Variants in ME3 observed in about 807,000 individuals in gnomAD.
ME3 encodes NADP-dependent malic enzyme, mitochondrial.
Under a neutral mutation model 68.9 loss-of-function variants are expected in ME3, and 48 were observed. The ratio of observed to expected loss-of-function variants is 0.70; its 90% CI spans 0.55 to 0.89. The LOEUF (loss-of-function observed/expected upper bound fraction) is 0.89. Ranked by LOEUF, ME3 falls within the 40% of genes least tolerant of loss-of-function variation. ME3 has a pLI of 0.00. For missense variants in ME3, 675 were observed against 797.4 expected (o/e 0.85, Z 1.85); for synonymous variants, 320 against 318.8 (o/e 1.00, Z -0.04).
intron 4 of ME3, among the ~76,000 whole-genome samples, chr11:86,526,044 C>T (rs867947877): frequency 1.2e-4 from 18 of 152,124 alleles, no homozygotes; most frequent in African/African-American, 4.1e-4. Context: ...TGCAGCGCAC[C>T]GAGCATGAGC....
chr11:86,661,618 T>C (rs1176530419), intron 2 of ME3, among the ~76,000 whole-genome samples: 4 of 152,150 alleles, frequency 2.6e-5, no homozygotes, highest in Non-Finnish European at 5.9e-5. Context: ...AAATAGCTTC[T>C]CCTCCACCAT....
intron 2 of ME3, among the ~76,000 whole-genome samples, chr11:86,659,363 T>A (rs144452080): frequency 6.6e-6 from 1 of 152,204 alleles, no homozygotes; most frequent in Non-Finnish European, 1.5e-5. Context: ...CTTTCAAAGA[T>A]GGTAGGTAGA....
intron 2 of ME3, chr11:86,622,991 C>A (rs570228491): frequency 6.6e-6 from 1 of 152,186 alleles, no homozygotes; most frequent in East Asian, 1.9e-4. Context: ...AGTTAACACG[C>A]CTGTAAAATG....
At chr11:86,651,143 G>A (rs1258139469) in intron 2 of ME3, among the ~76,000 whole-genome samples, 2 of 152,230 alleles carry the variant, frequency 1.3e-5, no homozygotes, top group Non-Finnish European at 2.9e-5. Flanking sequence ...AGGCCTGCCT[G>A]CCTCTGTAGA....
chr11:86,662,247 A>C (rs1946329721), intron 2 of ME3, among the ~76,000 whole-genome samples: 1 of 152,204 alleles, frequency 6.6e-6, no homozygotes, highest in Admixed American at 6.5e-5. Context: ...CCTGAGTTCA[A>C]GACTCAGTTC....
Position 86,494,446 on chromosome 11 carries a change from T to A in ME3, c.705+3517A>T, listed in dbSNP as rs373326700. Among the ~76,000 whole-genome samples the A allele has an allele frequency of 2.0e-5, 3 of 152,290 alleles. No homozygotes were observed. The East Asian group carries it at 5.8e-4, about 29-fold the overall frequency. ...GGACCTGAGGTAAGTAGTTGACATGTTTCAGTCTCAGTTTCCTTATCTGAA... is the reference window on the plus strand; with the variant it reads ...GGACCTGAGGTAAGTAGTTGACATGATTCAGTCTCAGTTTCCTTATCTGAA... On this transcript the variant is annotated intron_variant, in intron 6 of 14. Transcript: ENST00000543262.
At chr11:86,602,611 G>A (rs1436661274) in intron 2 of ME3, among the ~76,000 whole-genome samples, 3 of 152,010 alleles carry the variant, frequency 2.0e-5, no homozygotes, top group African/African-American at 7.3e-5. Context: ...CTACTTTAAA[G>A]TTCATATGGA....
chr11:86,593,190 C>T (rs1298459338), intron 2 of ME3, among the ~76,000 whole-genome samples: 5 of 118,410 alleles, frequency 4.2e-5, no homozygotes, highest in African/African-American at 9.5e-5. Context: ...TGATTTCCTC[C>T]ACCCTCCTTC....
intron 2 of ME3, among the ~76,000 whole-genome samples, chr11:86,655,774 T>A (rs897633945): frequency 5.9e-5 from 9 of 151,484 alleles, no homozygotes; most frequent in African/African-American, 4.8e-5. Context: ...AAAGAGCTTC[T>A]GCACAGCAAA....
chr11:86,484,045 T>C (rs962661344), intron 7 of ME3, among the ~76,000 whole-genome samples: 5 of 152,212 alleles, frequency 3.3e-5, no homozygotes, highest in South Asian at 4.1e-4. Flanking sequence ...CCCAGCTGTC[T>C]GTTGCTGTGG....
chr11:86,547,031 G>A (rs1291965279), intron 4 of ME3, among the ~76,000 whole-genome samples: 1 of 152,082 alleles, frequency 6.6e-6, no homozygotes, highest in Admixed American at 6.5e-5. Context: ...AAGGTCAGGA[G>A]ATTGAGACCA....
chr11:86,490,724 T>C (rs1237163592), intron 6 of ME3, among the ~76,000 whole-genome samples: 2 of 152,194 alleles, frequency 1.3e-5, no homozygotes, highest in Non-Finnish European at 2.9e-5. Context: ...ACTCTTGGCA[T>C]TGGCAGAAAA....
intron 2 of ME3, among the ~76,000 whole-genome samples, chr11:86,560,367 G>T (rs935555256): frequency 6.6e-5 from 10 of 152,076 alleles, no homozygotes; most frequent in Non-Finnish European, 1.2e-4. Context: ...TACTATGATT[G>T]TAAGTTTCCT....
rs142056305 is a variant in ME3, at chr11:86,560,748, GTATA to G, written c.184-929_184-926del. ...TGTATGTGTGTGTGTGTGTGTGTGT[GTATA>G]TATATATATATATATATATATTTCC... On this transcript the variant is annotated intron_variant, in intron 2 of 14. Coordinates refer to ENST00000543262, the Ensembl canonical transcript of ME3. 5.3e-3 allele frequency among the ~76,000 whole-genome samples: 329 copies of G among 62,508 alleles called. 14 individuals are homozygous for G. The highest frequency in any genetic ancestry group is 0.019 in the South Asian group (24 of 1,270). 41.0% of individuals were successfully genotyped at this position (62,508 alleles called of 152,430 possible).
intron 8 of ME3, among the ~76,000 whole-genome samples, chr11:86,451,380 C>G (rs962747295): frequency 6.6e-6 from 1 of 152,196 alleles, no homozygotes; most frequent in African/African-American, 2.4e-5. Context: ...TGAAAACAGT[C>G]TTTCAATAAT....
At chr11:86,617,039 ATAG>A (rs1466628283) in intron 2 of ME3, among the ~76,000 whole-genome samples, 3 of 109,526 alleles carry the variant, frequency 2.7e-5, no homozygotes, top group Non-Finnish European at 3.9e-5. Context: ...ATACTCCAAG[ATAG>A]TAGTTTTTTT....
At chr11:86,621,347 G>T (rs566754563) in intron 2 of ME3, among the ~76,000 whole-genome samples, 1 of 152,086 alleles carries the variant, frequency 6.6e-6, no homozygotes, top group African/African-American at 2.4e-5. Flanking sequence ...AATAATTAAG[G>T]TCAGCTACAT....
chr11:86,511,791 C>T (rs1350444005), intron 4 of ME3, among the ~76,000 whole-genome samples: 1 of 152,150 alleles, frequency 6.6e-6, no homozygotes, highest in Non-Finnish European at 1.5e-5. Flanking sequence ...CTAGTTGCTC[C>T]TGTAGATAAC....
At chr11:86,524,695 T>C (rs1169381288) in intron 4 of ME3, among the ~76,000 whole-genome samples, 1 of 152,184 alleles carries the variant, frequency 6.6e-6, no homozygotes, top group Non-Finnish European at 1.5e-5. Flanking sequence ...AGCTGGAATT[T>C]AATAAGAGAG....
Sources: gnomAD v4.1 joint callset for allele counts (sites outside exome capture counted in the v4.1 genomes callset) on GRCh38, gnomAD v4.1.1 for gene constraint, MANE v1.5 for transcripts, NCBI Gene and HGNC (gene_info 2026-07-23, HGNC 2026-07-21) for gene names.